The following CNKSR3 variants were observed in gnomAD, a reference collection of about 807,000 sequenced individuals.
CNKSR3 encodes connector enhancer of kinase suppressor of ras 3.
In CNKSR3, 36 loss-of-function variants were observed where a neutral mutation model predicts 67.7. The observed-to-expected ratio is 0.53, with a 90% CI of 0.41 to 0.70. CNKSR3 has a LOEUF of 0.70. Ranked by LOEUF, CNKSR3 falls within the 30% of genes least tolerant of loss-of-function variation. CNKSR3 has a pLI of 0.00. For synonymous variants in CNKSR3, 281 were observed against 271.4 expected (o/e 1.04, Z -0.35); for missense variants, 630 against 695.2 (o/e 0.91, Z 1.05).
At chr6:154,465,115 T>C (rs113028949) in intron 1 of CNKSR3, among the ~76,000 whole-genome samples, 7 of 119,502 alleles carry the variant, frequency 5.9e-5, no homozygotes, top group Admixed American at 2.2e-4. Flanking sequence ...CACTCCAGCC[T>C]GGGCAACTGG....
intron 1 of CNKSR3, among the ~76,000 whole-genome samples, chr6:154,495,356 CT>C (rs149762490): frequency 0.16 from 21,226 of 129,540 alleles, 2,077 homozygotes; most frequent in African/African-American, 0.31. Context: ...GAATTCAACA[CT>C]TTTTTTTTTT....
At chr6:154,476,288 C>G (rs1419142141) in intron 1 of CNKSR3, among the ~76,000 whole-genome samples, 4 of 151,942 alleles carry the variant, frequency 2.6e-5, no homozygotes, top group Non-Finnish European at 5.9e-5. Context: ...GAGACCCTGT[C>G]TCTACTAAAA....
At chr6:154,485,674 A>G (rs1786652229) in intron 1 of CNKSR3, among the ~76,000 whole-genome samples, 1 of 152,218 alleles carries the variant, frequency 6.6e-6, no homozygotes. Context: ...CACGGTGGGC[A>G]TCATTCTTTC....
chr6:154,422,992 A>C lies in CNKSR3; in HGVS notation c.730-9T>G. On this transcript the variant is annotated splice_polypyrimidine_tract_variant and intron_variant, in intron 7 of 12. Coordinates refer to ENST00000607772, the MANE Select transcript of CNKSR3 (RefSeq NM_173515.4). ...GATCTGTCTGCAGGAGACTGTACAGAAACAAAATAACCTGCCTTAATTCTT... is the reference window on the plus strand; with the variant it reads ...GATCTGTCTGCAGGAGACTGTACAGCAACAAAATAACCTGCCTTAATTCTT... 6.3e-7 allele frequency: 1 copy of C among 1,579,992 alleles called. No individual in the cohort carries two copies. The highest frequency in any genetic ancestry group is 8.6e-7 in the Non-Finnish European group (1 of 1,158,674).
chr6:154,452,502 C>T (rs1161358220), intron 1 of CNKSR3, among the ~76,000 whole-genome samples: 2 of 151,828 alleles, frequency 1.3e-5, no homozygotes, highest in African/African-American at 4.8e-5. Flanking sequence ...AGTTCTAAGC[C>T]TGATCATGAT....
At chr6:154,454,152 C>G (rs576079723) in intron 1 of CNKSR3, among the ~76,000 whole-genome samples, 1 of 121,620 alleles carries the variant, frequency 8.2e-6, no homozygotes, top group Non-Finnish European at 1.8e-5. Flanking sequence ...GAGATAAGAG[C>G]CCGCAATCCA....
chr6:154,434,692 G>GA (rs1465792340), intron 4 of CNKSR3, among the ~76,000 whole-genome samples: 1 of 152,118 alleles, frequency 6.6e-6, no homozygotes, highest in Admixed American at 6.6e-5. Context: ...AGCCTAGAGA[G>GA]AAAAGACTTA....
chr6:154,474,232 G>A (rs1786393056), intron 1 of CNKSR3, among the ~76,000 whole-genome samples: 2 of 146,998 alleles, frequency 1.4e-5, no homozygotes, highest in African/African-American at 2.5e-5. Context: ...CTCACATGGT[G>A]AAACCCCGTC....
At chr6:154,438,965 C>T (rs1331723226) in intron 4 of CNKSR3, among the ~76,000 whole-genome samples, 1 of 152,134 alleles carries the variant, frequency 6.6e-6, no homozygotes, top group Admixed American at 6.5e-5. Context: ...ATTTAATCAT[C>T]AGTTCATAAC....
intron 4 of CNKSR3, among the ~76,000 whole-genome samples, chr6:154,435,334 G>A (rs1785449957): frequency 6.6e-6 from 1 of 152,100 alleles, no homozygotes. Flanking sequence ...TCACTTCAGG[G>A]AGACCATCAC....
In CNKSR3 at chr6:154,446,799, T is replaced by C. The variant is rs541727781; in HGVS notation, c.216+3296A>G. ...AAAGAACACAGGTTACAGTCATACT[T>C]ATCTTTTTTTTTTTTTTTTTTTTGA... On this transcript the variant is annotated intron_variant, in intron 2 of 12. Transcript: ENST00000607772. Among the ~76,000 whole-genome samples, 7 of 146,020 alleles carry C rather than the reference T, an allele frequency of 4.8e-5. No homozygotes were observed. In the South Asian group the frequency reaches 1.5e-3, roughly 32 times the overall value.
chr6:154,419,027 T>TG (rs1244683005), intron 9 of CNKSR3, among the ~76,000 whole-genome samples: 180 of 142,316 alleles, frequency 1.3e-3, no homozygotes, highest in Non-Finnish European at 2.5e-3. Flanking sequence ...GACATTACTC[T>TG]CTTGCTTTTT....
intron 7 of CNKSR3, among the ~76,000 whole-genome samples, chr6:154,426,055 C>A: frequency 6.6e-6 from 1 of 152,220 alleles, no homozygotes; most frequent in East Asian, 1.9e-4. Flanking sequence ...TAGTGTCTAG[C>A]ACATTCCAGG....
At chr6:154,459,983 T>TCAACCC (rs1460492808) in intron 1 of CNKSR3, among the ~76,000 whole-genome samples, 1 of 152,208 alleles carries the variant, frequency 6.6e-6, no homozygotes, top group Non-Finnish European at 1.5e-5. Context: ...CTACGCTGCC[T>TCAACCC]CAACCCCAAC....
chr6:154,465,726 C>T (rs1786183955), intron 1 of CNKSR3, among the ~76,000 whole-genome samples: 1 of 152,148 alleles, frequency 6.6e-6, no homozygotes, highest in South Asian at 2.1e-4. Context: ...TCTGTGACTG[C>T]CATCAGAAAT....
intron 5 of CNKSR3, among the ~76,000 whole-genome samples, chr6:154,431,312 C>T (rs774446516): frequency 2.0e-5 from 3 of 151,832 alleles, no homozygotes; most frequent in Non-Finnish European, 2.9e-5. Context: ...GGCATGGTGG[C>T]GTGTGCCTGT....
At chr6:154,455,025 T>C (rs1785922014) in intron 1 of CNKSR3, among the ~76,000 whole-genome samples, 1 of 151,844 alleles carries the variant, frequency 6.6e-6, no homozygotes, top group Non-Finnish European at 1.5e-5. Flanking sequence ...AGCAGTGACT[T>C]TGGACGGGCA....
intron 6 of CNKSR3, 126 bp downstream of exon 6, chr6:154,430,346 T>C (rs1785338700): frequency 1.3e-6 from 1 of 743,738 alleles, no homozygotes; most frequent in South Asian, 2.1e-5. Context: ...AATTACATAA[T>C]GGAAGGCAGT....
chr6:154,500,469 G>A (rs945911656), intron 1 of CNKSR3, among the ~76,000 whole-genome samples: 1 of 152,162 alleles, frequency 6.6e-6, no homozygotes, highest in East Asian at 1.9e-4. Flanking sequence ...CTGACAGACT[G>A]TCTCCTTTTG....
Sources: allele counts gnomAD v4.1 joint callset (sites outside exome capture counted in the v4.1 genomes callset), GRCh38; gene constraint gnomAD v4.1.1; transcripts MANE v1.5; gene names NCBI Gene and HGNC (gene_info 2026-07-23, HGNC 2026-07-21).